Variants in PARD3 observed in about 807,000 individuals in gnomAD.
The protein encoded by PARD3 is partitioning defective 3 homolog.
In PARD3, 75 loss-of-function variants were observed where a neutral mutation model predicts 155.4. That is an observed-to-expected ratio of 0.48 (90% CI 0.40 to 0.58). The LOEUF (loss-of-function observed/expected upper bound fraction) is 0.58. PARD3 is among the 20% of genes least tolerant of loss of function. The pLI, the probability that PARD3 is intolerant of heterozygous loss-of-function variation, is 0.00. For synonymous variants in PARD3, 576 were observed against 610.5 expected (o/e 0.94, Z 0.83); for missense variants, 1,642 against 1,721.7 (o/e 0.95, Z 0.82).
intron 3 of PARD3, among the ~76,000 whole-genome samples, chr10:34,507,078 A>G (rs529058802): frequency 6.6e-6 from 1 of 152,318 alleles, no homozygotes; most frequent in South Asian, 2.1e-4. Context: ...AACACCCCAC[A>G]GTAGCACAGT....
intron 1 of PARD3, among the ~76,000 whole-genome samples, chr10:34,812,919 G>A (rs987857710): frequency 5.9e-5 from 9 of 152,060 alleles, no homozygotes; most frequent in Middle Eastern, 3.2e-3. Flanking sequence ...GACCAGGTCC[G>A]TGACCAAGGC....
At chr10:34,363,683 G>A (rs1436801729) in intron 12 of PARD3, among the ~76,000 whole-genome samples, 1 of 152,088 alleles carries the variant, frequency 6.6e-6, no homozygotes, top group Non-Finnish European at 1.5e-5. Context: ...CTTATCAACT[G>A]TTTCTCGAAT....
intron 2 of PARD3, among the ~76,000 whole-genome samples, chr10:34,687,317 A>C (rs1205669124): frequency 6.6e-6 from 1 of 152,134 alleles, no homozygotes; most frequent in East Asian, 1.9e-4. Context: ...TGCCCCTGTT[A>C]GCTTTTCCTC....
intron 1 of PARD3, among the ~76,000 whole-genome samples, chr10:34,700,569 G>C (rs924659698): frequency 6.6e-6 from 1 of 151,782 alleles, no homozygotes; most frequent in African/African-American, 2.4e-5. Flanking sequence ...ACCAGAAAAA[G>C]ATCACTGAAA....
chr10:34,576,112 G>A (rs2086869059), intron 2 of PARD3, among the ~76,000 whole-genome samples: 1 of 152,150 alleles, frequency 6.6e-6, no homozygotes. Context: ...GTTTGCCAGA[G>A]AAGTACAGGG....
At chr10:34,782,695 C>T (rs1237665475) in intron 1 of PARD3, among the ~76,000 whole-genome samples, 2 of 151,958 alleles carry the variant, frequency 1.3e-5, no homozygotes, top group Non-Finnish European at 2.9e-5. Flanking sequence ...AAGGACTTAA[C>T]GTGAGAATAT....
At chr10:34,632,374 A>C (rs910714546) in intron 2 of PARD3, among the ~76,000 whole-genome samples, 37 of 152,298 alleles carry the variant, frequency 2.4e-4, no homozygotes, top group African/African-American at 7.9e-4. Flanking sequence ...CCTCTGCGCT[A>C]AGGAGGCCAC....
At chr10:34,429,824 A>G (rs1380021506) in intron 5 of PARD3, among the ~76,000 whole-genome samples, 1 of 152,100 alleles carries the variant, frequency 6.6e-6, no homozygotes, top group Non-Finnish European at 1.5e-5. Context: ...TGACCTTGTG[A>G]TCCGCCCGCC....
At chr10:34,542,370 G>A (rs1460122607) in intron 2 of PARD3, among the ~76,000 whole-genome samples, 3 of 152,118 alleles carry the variant, frequency 2.0e-5, no homozygotes, top group African/African-American at 7.2e-5. Context: ...GACATATTTG[G>A]TTGTCATAAC....
At chr10:34,162,746 G>A (rs1051682260) in intron 22 of PARD3, among the ~76,000 whole-genome samples, 1 of 152,150 alleles carries the variant, frequency 6.6e-6, no homozygotes, top group African/African-American at 2.4e-5. Flanking sequence ...GAAATGACTA[G>A]TAAGGAAACT....
At chr10:34,726,741 C>T (rs957489419) in intron 1 of PARD3, among the ~76,000 whole-genome samples, 2 of 148,586 alleles carry the variant, frequency 1.3e-5, no homozygotes, top group Non-Finnish European at 3.0e-5. Flanking sequence ...CCAGTCTGGG[C>T]GGCAAGAGTG....
chr10:34,378,204 T>C, intron 9 of PARD3, 98 bp from the exon 10 acceptor site: 3 of 878,338 alleles, frequency 3.4e-6, no homozygotes, highest in East Asian at 2.9e-5. Flanking sequence ...TGACATTTTG[T>C]AACTTTCACA....
At chr10:34,764,945 T>A (rs970538864) in intron 1 of PARD3, among the ~76,000 whole-genome samples, 1 of 152,238 alleles carries the variant, frequency 6.6e-6, no homozygotes, top group Non-Finnish European at 1.5e-5. Flanking sequence ...GTACTTCACC[T>A]TCCTATAAGA....
At chr10:34,598,710 G>T (rs1012808791) in intron 2 of PARD3, among the ~76,000 whole-genome samples, 1 of 152,122 alleles carries the variant, frequency 6.6e-6, no homozygotes, top group African/African-American at 2.4e-5. Flanking sequence ...CAAGGGCAGG[G>T]GTTCAAGAGC....
intron 18 of PARD3, among the ~76,000 whole-genome samples, chr10:34,331,572 C>CT (rs1241596150): frequency 2.0e-5 from 3 of 152,058 alleles, no homozygotes; most frequent in Non-Finnish European, 2.9e-5. Flanking sequence ...AGGAAAAACT[C>CT]TAAGTCATTA....
chr10:34,328,098 T>A (rs1457099356), intron 19 of PARD3, among the ~76,000 whole-genome samples: 1 of 152,230 alleles, frequency 6.6e-6, no homozygotes, highest in Non-Finnish European at 1.5e-5. Context: ...CCTTCGCGTC[T>A]TCAGTTTTAT....
intron 15 of PARD3, among the ~76,000 whole-genome samples, chr10:34,346,724 A>T (rs1427179533): frequency 1.3e-5 from 2 of 152,244 alleles, no homozygotes; most frequent in Non-Finnish European, 2.9e-5. Flanking sequence ...CTCTTCCCTG[A>T]CATTCACTTA....
chr10:34,341,383 T>A (rs530264450), intron 16 of PARD3, among the ~76,000 whole-genome samples: 2 of 152,170 alleles, frequency 1.3e-5, no homozygotes, highest in Non-Finnish European at 2.9e-5. Context: ...ATGAGCACGG[T>A]TTTTTGACTG....
At chr10:34,273,842 T>G (rs1397461040) in intron 21 of PARD3, among the ~76,000 whole-genome samples, 2 of 152,210 alleles carry the variant, frequency 1.3e-5, no homozygotes, top group African/African-American at 4.8e-5. Context: ...TTTCCAATTT[T>G]GAATACAGGG....
Sources: gnomAD v4.1 joint callset for allele counts (sites outside exome capture counted in the v4.1 genomes callset) on GRCh38, gnomAD v4.1.1 for gene constraint, MANE v1.5 for transcripts, NCBI Gene and HGNC (gene_info 2026-07-23, HGNC 2026-07-21) for gene names.